XPNPEP1: variants seen among roughly 807,000 people sequenced by gnomAD.
The protein encoded by XPNPEP1 is xaa-Pro aminopeptidase 1.
XPNPEP1 carries 39 observed loss-of-function variants against 92.4 expected under a neutral mutation model. That is an observed-to-expected ratio of 0.42 (90% CI 0.33 to 0.55). XPNPEP1 has a LOEUF of 0.55. Ranked by LOEUF, XPNPEP1 falls within the 20% of genes least tolerant of loss-of-function variation. XPNPEP1 has a pLI of 0.08. For synonymous variants in XPNPEP1, 307 were observed against 299.4 expected, an observed-to-expected ratio of 1.03 and a Z score of -0.26; for missense variants, 654 against 856.1, an observed-to-expected ratio of 0.76 and a Z score of 2.95.
At chr10:109,906,012 C>T (rs1464807178) in intron 3 of XPNPEP1, among the ~76,000 whole-genome samples, 1 of 152,202 alleles carries the variant, frequency 6.6e-6, no homozygotes, top group African/African-American at 2.4e-5. Context: ...TAATACAGGC[C>T]TGACCTTGTC....
intron 2 of XPNPEP1, among the ~76,000 whole-genome samples, chr10:109,911,648 T>C (rs1351120453): frequency 2.0e-5 from 3 of 152,186 alleles, no homozygotes; most frequent in African/African-American, 4.8e-5. Context: ...TTATCATTCT[T>C]AAAAACAGTC....
intron 17 of XPNPEP1, chr10:109,871,149 C>A: frequency 2.6e-6 from 1 of 391,866 alleles, no homozygotes; most frequent in Non-Finnish European, 4.6e-6. Context: ...ACCTACAGCA[C>A]ACAGAGGCCG....
chr10:109,868,222 G>C (rs1438324709), intron 20 of XPNPEP1, among the ~76,000 whole-genome samples: 1 of 152,064 alleles, frequency 6.6e-6, no homozygotes, highest in Non-Finnish European at 1.5e-5. Flanking sequence ...AAACAATCTG[G>C]TATGTACAGT....
intron 1 of XPNPEP1, among the ~76,000 whole-genome samples, chr10:109,922,292 T>C (rs1381979491): frequency 1.3e-5 from 2 of 152,166 alleles, no homozygotes; most frequent in Non-Finnish European, 2.9e-5. Flanking sequence ...CCTAAAAGGC[T>C]GTGAGTCTAT....
At chr10:109,872,068 G>A (rs2133362019) in intron 16 of XPNPEP1, among the ~76,000 whole-genome samples, 1 of 152,306 alleles carries the variant, frequency 6.6e-6, no homozygotes, top group African/African-American at 2.4e-5. Context: ...TAGTAGAAGA[G>A]CACTGTCAGA....
chr10:109,897,441 A>G (rs1228262605), intron 3 of XPNPEP1, among the ~76,000 whole-genome samples: 1 of 152,202 alleles, frequency 6.6e-6, no homozygotes, highest in East Asian at 1.9e-4. Context: ...AAATAATGTT[A>G]GCTAAGATTA....
intron 3 of XPNPEP1, among the ~76,000 whole-genome samples, chr10:109,896,566 G>A (rs1849005008): frequency 6.6e-6 from 1 of 151,560 alleles, no homozygotes; most frequent in African/African-American, 2.4e-5. Flanking sequence ...CACCATGCTG[G>A]GCAATGTTTC....
intron 20 of XPNPEP1, among the ~76,000 whole-genome samples, chr10:109,868,369 C>G (rs142275488): frequency 6.6e-6 from 1 of 151,642 alleles, no homozygotes; most frequent in Non-Finnish European, 1.5e-5. Context: ...ACAAACCCTA[C>G]AGCCCCAGAA....
At chr10:109,891,579 T>C in intron 5 of XPNPEP1, 143 bp downstream of exon 5, 1 of 390,052 alleles carries the variant, frequency 2.6e-6, no homozygotes, top group East Asian at 4.9e-5. Flanking sequence ...AGGCATGCCA[T>C]TTTTTTTTTT....
intron 2 of XPNPEP1, among the ~76,000 whole-genome samples, chr10:109,914,043 A>G (rs1268100484): frequency 6.6e-6 from 1 of 151,672 alleles, no homozygotes; most frequent in African/African-American, 2.4e-5. Context: ...TTAGACGGGC[A>G]TGGTTTCTTA....
At chr10:109,920,371 G>C (rs574108494) in intron 1 of XPNPEP1, among the ~76,000 whole-genome samples, 1 of 152,180 alleles carries the variant, frequency 6.6e-6, no homozygotes, top group Non-Finnish European at 1.5e-5. Context: ...GTATATAAGT[G>C]AATTATATCT....
At chr10:109,877,539 G>C (rs1368228128) in intron 14 of XPNPEP1, 10 of 521,546 alleles carry the variant, frequency 1.9e-5, no homozygotes, top group Non-Finnish European at 3.1e-5. Context: ...AAAGGAAAGA[G>C]GGACACCCAT....
chr10:109,889,695 C>T (rs543089170), intron 5 of XPNPEP1, among the ~76,000 whole-genome samples: 11 of 152,246 alleles, frequency 7.2e-5, no homozygotes, highest in Admixed American at 6.5e-4. Flanking sequence ...AGGTTTTGGC[C>T]AAACAATTAA....
intron 3 of XPNPEP1, among the ~76,000 whole-genome samples, chr10:109,901,463 A>T (rs1849286372): frequency 6.6e-6 from 1 of 152,202 alleles, no homozygotes; most frequent in Non-Finnish European, 1.5e-5. Flanking sequence ...CTTTCCATGC[A>T]TCCAAATTCT....
chr10:109,873,449 T>G, intron 15 of XPNPEP1, 22 bp from the exon 16 acceptor site: 1 of 1,614,106 alleles, frequency 6.2e-7, no homozygotes, highest in Non-Finnish European at 8.5e-7. Context: ...AAGGACAAAT[T>G]GGTTTCCCGT....
At chr10:109,894,729 C>G (rs371909797) in intron 3 of XPNPEP1, among the ~76,000 whole-genome samples, 1 of 152,284 alleles carries the variant, frequency 6.6e-6, no homozygotes, top group South Asian at 2.1e-4. Context: ...GCAACAAGTC[C>G]TGGCAGCTCT....
chr10:109,866,184 G>A (rs1253687350), intron 20 of XPNPEP1, among the ~76,000 whole-genome samples: 7 of 152,212 alleles, frequency 4.6e-5, no homozygotes, highest in Non-Finnish European at 1.0e-4. Flanking sequence ...ATTTTGGAGG[G>A]CAGCGATGTT....
chr10:109,918,119 A>C (rs550155308), intron 1 of XPNPEP1, among the ~76,000 whole-genome samples: 1 of 151,824 alleles, frequency 6.6e-6, no homozygotes, highest in Non-Finnish European at 1.5e-5. Context: ...GCCTCAAAAA[A>C]AAAAACAAAA....
intron 3 of XPNPEP1, among the ~76,000 whole-genome samples, chr10:109,900,551 TACC>T (rs961596639): frequency 6.6e-6 from 1 of 152,152 alleles, no homozygotes; most frequent in African/African-American, 2.4e-5. Flanking sequence ...CAATCCCCTC[TACC>T]ACCTGCCTGC....
Sources: allele counts gnomAD v4.1 joint callset (sites outside exome capture counted in the v4.1 genomes callset), GRCh38; gene constraint gnomAD v4.1.1; transcripts MANE v1.5; gene names NCBI Gene and HGNC (gene_info 2026-07-23, HGNC 2026-07-21).